Variants in GNE observed in about 807,000 individuals in gnomAD.
GNE encodes glucosamine (UDP-N-acetyl)-2-epimerase/N-acetylmannosamine kinase.
In GNE, 41 loss-of-function variants were observed where a neutral mutation model predicts 61.8. That is an observed-to-expected ratio of 0.66 (90% CI 0.52 to 0.86). The LOEUF is 0.86. Ranked by LOEUF, GNE falls within the 40% of genes least tolerant of loss-of-function variation. The probability of loss-of-function intolerance (pLI) is 0.00; values close to 1 mark genes in which losing one functional copy is unlikely to be tolerated. For synonymous variants in GNE, 264 were observed against 326.4 expected, an observed-to-expected ratio of 0.81 and a Z score of 2.06; for missense variants, 608 against 909.1, an observed-to-expected ratio of 0.67 and a Z score of 4.26.
Position 36,227,425 on chromosome 9 carries a change from T to C in GNE, c.1104A>G (p.Pro368=). The change falls in exon 7 of 12, where the codon CCA becomes CCG. Residue 368 remains proline (P), a synonymous_variant. Coordinates refer to ENST00000642385, the MANE Select transcript of GNE (RefSeq NM_005476.7). ...TAGATTTGAGAAACTTCAAAATCCT[T>C]GGAACAGCATTTCCATCCCCATATA... ...SKIYGDGNAV[P]RILKFLKSID... 1 of 1,611,770 alleles carries C rather than the reference T, an allele frequency of 6.2e-7. No homozygotes were observed. The highest frequency in any genetic ancestry group is 1.3e-5 in the African/African-American group (1 of 75,006).
intron 5 of GNE, among the ~76,000 whole-genome samples, chr9:36,229,622 GA>G (rs1434026150): frequency 6.6e-6 from 1 of 152,204 alleles, no homozygotes; most frequent in Non-Finnish European, 1.5e-5. Context: ...GTGGGGTCAA[GA>G]AAGGAGTTGT....
chr9:36,270,539 A>T (rs1226684031), intron 1 of GNE, among the ~76,000 whole-genome samples: 1 of 134,066 alleles, frequency 7.5e-6, no homozygotes, highest in Non-Finnish European at 1.6e-5. Context: ...TTTTTTTGAG[A>T]CGGAGTCTCG....
chr9:36,233,238 TTAGAA>T (rs1829249213), intron 5 of GNE, among the ~76,000 whole-genome samples: 1 of 152,254 alleles, frequency 6.6e-6, no homozygotes, highest in Admixed American at 6.5e-5. Context: ...GGCACTTTAC[TTAGAA>T]CTACCATACT....
At chr9:36,261,477 C>T (rs1055310531), upstream of GNE, among the ~76,000 whole-genome samples, 2 of 149,564 alleles carry the variant, frequency 1.3e-5, no homozygotes, top group African/African-American at 5.0e-5. Context: ...AAATGGAACC[C>T]AGGAGGCAGA....
At chr9:36,221,338 A>G (rs545308314) in intron 9 of GNE, among the ~76,000 whole-genome samples, 40 of 152,254 alleles carry the variant, frequency 2.6e-4, no homozygotes, top group African/African-American at 8.9e-4. Context: ...TAAGTACATG[A>G]GCTTAAAGGG....
chr9:36,220,458 T>C (rs1437159054), intron 9 of GNE, among the ~76,000 whole-genome samples: 1 of 152,212 alleles, frequency 6.6e-6, no homozygotes, highest in African/African-American at 2.4e-5. Context: ...ACAGGACAAT[T>C]CTGGATGCTG....
rs1830481583 is a variant in GNE at position 36,258,326 on chromosome 9, G to A, written c.-48C>T. 2.0e-6 allele frequency: 2 copies of A among 985,360 alleles called. No individual in the cohort carries two copies. Among genetic ancestry groups the A allele is most frequent in the South Asian group, 4.7e-5 (1 of 21,288 alleles). 61.0% of individuals were successfully genotyped at this position (985,360 alleles called of 1,614,324 possible). The stretch of plus-strand genomic sequence containing the variant: ...CGCCGCCGCGCGGCTCTCACCAGAC[G>A]CCGTCAGAGGCTCCCTCCCACGCCG... On this transcript the variant is annotated 5_prime_UTR_variant, in exon 1 of 12. Coordinates refer to ENST00000642385, the MANE Select transcript of GNE (RefSeq NM_005476.7).
intron 2 of GNE, among the ~76,000 whole-genome samples, chr9:36,247,792 G>C (rs4879963): frequency 0.76 from 114,839 of 151,802 alleles, 43,923 homozygotes; most frequent in Non-Finnish European, 0.8. Context: ...TTTGGGAGGC[G>C]GAGGCAGGTG....
At chr9:36,259,069 G>C (rs1187474740), upstream of GNE, among the ~76,000 whole-genome samples, 6 of 152,222 alleles carry the variant, frequency 3.9e-5, no homozygotes, top group Non-Finnish European at 5.9e-5. Flanking sequence ...AGCTCCTGAA[G>C]ATAAATAAGA....
chr9:36,257,600 G>A (rs935767065), intron 1 of GNE, among the ~76,000 whole-genome samples: 2 of 151,228 alleles, frequency 1.3e-5, no homozygotes, highest in Non-Finnish European at 2.9e-5. Flanking sequence ...TCAGGAGATC[G>A]AGACCATCCT....
At chr9:36,239,451 TTCTA>T (rs566274162) in intron 3 of GNE, among the ~76,000 whole-genome samples, 10 of 151,930 alleles carry the variant, frequency 6.6e-5, no homozygotes, top group South Asian at 2.1e-4. Flanking sequence ...ATTTCTTTCT[TTCTA>T]TCTTTCTTTC....
chr9:36,271,733 T>C (rs1258435473), intron 1 of GNE, among the ~76,000 whole-genome samples: 2 of 152,208 alleles, frequency 1.3e-5, no homozygotes, highest in Non-Finnish European at 2.9e-5. Flanking sequence ...ATGTATATGT[T>C]TGTGACTGTA....
At chr9:36,260,168 C>T (rs951341873), upstream of GNE, among the ~76,000 whole-genome samples, 1 of 151,676 alleles carries the variant, frequency 6.6e-6, no homozygotes, top group East Asian at 1.9e-4. Context: ...GCAGTCCCAG[C>T]ACTTTGGAAG....
At position 36,223,419 on chromosome 9, in the gene GNE, T is replaced by G; in HGVS notation, c.1365A>C (p.Glu455Asp). The change falls in exon 8 of 12, where the codon GAA (glutamate) becomes GAC (aspartate). Residue 455 changes from glutamate to aspartate, a missense_variant. Physicochemically the swap from Glu to Asp is conservative, Grantham distance 45. Transcript: ENST00000642385. The stretch of plus-strand genomic sequence containing the variant: ...TCAGTTTTACAGCTTCTGCTGCAGC[T>G]TCCACACACATCTGTAGGATTAAAT... ...RINLILQMCVEAAAEAVKLNC... is the reference protein window; with the variant it reads ...RINLILQMCVDAAAEAVKLNC... 1 of 1,613,186 alleles carries G rather than the reference T, an allele frequency of 6.2e-7. No individual in the cohort carries two copies. Among genetic ancestry groups the G allele is most frequent in the Non-Finnish European group, 8.5e-7 (1 of 1,179,100 alleles).
At chr9:36,268,485 G>A (rs1830891493) in intron 1 of GNE, among the ~76,000 whole-genome samples, 1 of 152,082 alleles carries the variant, frequency 6.6e-6, no homozygotes, top group Admixed American at 6.6e-5. Context: ...GGGCAATATG[G>A]TGAAACCCAA....
At chr9:36,230,573 C>T (rs1829097093) in intron 5 of GNE, among the ~76,000 whole-genome samples, 1 of 151,920 alleles carries the variant, frequency 6.6e-6, no homozygotes. Flanking sequence ...CCTCCCGCCT[C>T]AGCCTCCTGA....
intron 1 of GNE, among the ~76,000 whole-genome samples, chr9:36,274,846 C>CCT (rs1554668353): frequency 6.6e-6 from 1 of 151,560 alleles, no homozygotes; most frequent in African/African-American, 2.4e-5. Context: ...CCTCAGCCTC[C>CCT]CGCGTAGCTG....
chr9:36,269,988 G>T (rs1003109397), intron 1 of GNE, among the ~76,000 whole-genome samples: 2 of 151,652 alleles, frequency 1.3e-5, no homozygotes, highest in Non-Finnish European at 3.0e-5. Context: ...TAGAGACAGG[G>T]TCTTGCTCTC....
chr9:36,261,272 A>G (rs1416077865), upstream of GNE, among the ~76,000 whole-genome samples: 1 of 152,140 alleles, frequency 6.6e-6, no homozygotes, highest in African/African-American at 2.4e-5. Flanking sequence ...AGATGTGGAT[A>G]TCTAGGCCAG....
Sources: allele counts gnomAD v4.1 joint callset (sites outside exome capture counted in the v4.1 genomes callset), GRCh38; gene constraint gnomAD v4.1.1; transcripts MANE v1.5; gene names NCBI Gene and HGNC (gene_info 2026-07-23, HGNC 2026-07-21).